GUF1: variants seen among roughly 807,000 people sequenced by gnomAD.
GUF1 encodes the protein GTP binding elongation factor GUF1, also known as translation factor GUF1, mitochondrial.
In GUF1, 78 loss-of-function variants were observed where a neutral mutation model predicts 82.4. The ratio of observed to expected loss-of-function variants is 0.95; its 90% CI spans 0.79 to 1.14. The LOEUF is 1.14. Ranked by LOEUF, GUF1 falls within the 50% of genes most tolerant of loss-of-function variation. The pLI is 0.00. For missense variants in GUF1, 814 were observed against 798.2 expected, an observed-to-expected ratio of 1.02 and a Z score of -0.24; for synonymous variants, 279 against 282.3, an observed-to-expected ratio of 0.99 and a Z score of 0.12.
In GUF1 at chr4:44,694,498, T is replaced by C; in HGVS notation, c.1700T>C (p.Val567Ala). 1 of 1,579,174 alleles carries C rather than the reference T, an allele frequency of 6.3e-7. No homozygotes were observed. Among genetic ancestry groups the C allele is most frequent in the Non-Finnish European group, 8.7e-7 (1 of 1,149,322 alleles). The stretch of plus-strand genomic sequence containing the variant: ...AATGGAAATACTGTAGAGGAGCTAG[T>C]AACTGTTGTACACAAGTAAGTTCAA... ...LLNGNTVEEL[V>A]TVVHKDKAHS... The change falls in exon 14 of 17, where the codon GTA becomes GCA. Residue 567 changes from valine to alanine, a missense_variant. Coordinates refer to ENST00000281543, the MANE Select transcript of GUF1 (RefSeq NM_021927.3).
chr4:44,695,590 A>T, intron 14 of GUF1, 25 bp from the exon 15 acceptor site: 1 of 1,591,810 alleles, frequency 6.3e-7, no homozygotes, highest in Non-Finnish European at 8.6e-7. Context: ...TAGGATATAT[A>T]AACAGTTGTA....
chr4:44,698,463 G>T, intron 16 of GUF1, 81 bp from the exon 17 acceptor site: 1 of 1,083,894 alleles, frequency 9.2e-7, no homozygotes, highest in Non-Finnish European at 1.3e-6. Context: ...GGTTGTTAAG[G>T]TTGTACTGAT....
chr4:44,694,619 AAT>A, intron 14 of GUF1, 106 bp downstream of exon 14: 1 of 677,338 alleles, frequency 1.5e-6, no homozygotes, highest in Non-Finnish European at 2.5e-6. Context: ...AGGTAATTAA[AAT>A]AGAGTTCACC....
chr4:44,681,475 A>G (rs1343540919), intron 4 of GUF1, among the ~76,000 whole-genome samples: 1 of 152,062 alleles, frequency 6.6e-6, no homozygotes, highest in Non-Finnish European at 1.5e-5. Flanking sequence ...AATGCATCTT[A>G]CCAAAAAAAC....
intron 5 of GUF1, 152 bp from the exon 6 acceptor site, chr4:44,683,083 A>T (rs1480797735): frequency 2.0e-6 from 1 of 500,960 alleles, no homozygotes; most frequent in Non-Finnish European, 3.5e-6. Flanking sequence ...TTATACTGCT[A>T]ATATATAGAT....
At chr4:44,681,043 TAAA>T (rs1560340192) in intron 3 of GUF1, 77 bp from the exon 4 acceptor site, 2 of 1,283,462 alleles carry the variant, frequency 1.6e-6, no homozygotes, top group African/African-American at 2.9e-5. Context: ...TTTTATCAAG[TAAA>T]GTCAATAAAT....
intron 13 of GUF1, chr4:44,694,190 C>A: frequency 2.2e-6 from 1 of 451,240 alleles, no homozygotes; most frequent in Non-Finnish European, 3.9e-6. Flanking sequence ...TTCCTTTCCC[C>A]TATAAACATA....
chr4:44,697,616 T>C (rs1715918247), intron 16 of GUF1, among the ~76,000 whole-genome samples, 172 bp downstream of exon 16: 1 of 152,274 alleles, frequency 6.6e-6, no homozygotes, highest in South Asian at 2.1e-4. Flanking sequence ...ATTTTGCCCA[T>C]ATCTTTTAAG....
In GUF1 at chr4:44,699,983, C is replaced by G. The variant is rs1327592719; in HGVS notation, c.*1302C>G. ...AATGGCTGTATTTCTCCAGAGCTCT[C>G]AGCTCCCATGTTTATTCAGCCAACG... is the stretch of plus-strand genomic sequence containing the variant. On this transcript the variant is annotated 3_prime_UTR_variant, in exon 17 of 17. Coordinates refer to ENST00000281543, the MANE Select transcript of GUF1 (RefSeq NM_021927.3). 1 of 152,208 alleles carries G rather than the reference C, an allele frequency of 6.6e-6. No homozygotes were observed. The highest frequency in any genetic ancestry group is 2.4e-5 in the African/African-American group (1 of 41,472). 9.4% of individuals were successfully genotyped at this position (152,208 alleles called of 1,614,324 possible).
intron 13 of GUF1, 177 bp from the exon 14 acceptor site, chr4:44,694,235 A>T (rs1715630379): frequency 1.8e-6 from 1 of 544,500 alleles, no homozygotes; most frequent in Non-Finnish European, 3.3e-6. Flanking sequence ...TAATAAACAT[A>T]AAAAGATAAC....
intron 15 of GUF1, among the ~76,000 whole-genome samples, chr4:44,696,214 CTAGAT>C (rs1243092915): frequency 3.3e-5 from 5 of 152,106 alleles, no homozygotes; most frequent in African/African-American, 1.2e-4. Context: ...GATTTGCATT[CTAGAT>C]TAGGGACCTC....
At position 44,678,485 on chromosome 4, in the gene GUF1, C is replaced by T. The variant is rs536906954; in HGVS notation, c.-138C>T. 7.3e-6 allele frequency: 5 copies of T among 685,976 alleles called. No homozygotes were observed. The East Asian group carries it at 1.0e-4, about 14-fold the overall frequency. 42.5% of individuals were successfully genotyped at this position (685,976 alleles called of 1,614,324 possible). On this transcript the variant is annotated 5_prime_UTR_variant, in exon 1 of 17. Transcript: ENST00000281543. ...GATCTGGTACTTGGGCAGAGCTCCC[C>T]GGGGTTCATTGTCTTCGCTTCACAG...
intron 11 of GUF1, among the ~76,000 whole-genome samples, chr4:44,690,300 G>A (rs1234895990): frequency 6.6e-6 from 1 of 151,776 alleles, no homozygotes; most frequent in Non-Finnish European, 1.5e-5. Context: ...GATGAAAAAT[G>A]TAATTTTGGT....
intron 9 of GUF1, 70 bp from the exon 10 acceptor site, chr4:44,689,216 A>C: frequency 7.5e-7 from 1 of 1,331,840 alleles, no homozygotes; most frequent in South Asian, 2.3e-5. Flanking sequence ...ACTTGGCAGC[A>C]CTACACATGT....
rs890708573 is a variant in GUF1 at position 44,678,495 on chromosome 4, T to C, written c.-128T>C. 1.3e-6 allele frequency: 1 copy of C among 755,310 alleles called. No individual in the cohort carries two copies. Among genetic ancestry groups the C allele is most frequent in the South Asian group, 3.6e-5 (1 of 28,036 alleles). 46.8% of individuals were successfully genotyped at this position (755,310 alleles called of 1,614,324 possible). ...TTGGGCAGAGCTCCCCGGGGTTCAT[T>C]GTCTTCGCTTCACAGGATCTGTTTG... On this transcript the variant is annotated 5_prime_UTR_variant, in exon 1 of 17. Coordinates refer to ENST00000281543, the MANE Select transcript of GUF1 (RefSeq NM_021927.3).
chr4:44,693,169 C>A (rs966320823), intron 13 of GUF1, among the ~76,000 whole-genome samples: 1 of 151,914 alleles, frequency 6.6e-6, no homozygotes, highest in Non-Finnish European at 1.5e-5. Flanking sequence ...TTATTTCATA[C>A]CAGGAGGCAA....
Position 44,686,683 on chromosome 4 carries a change from T to C in GUF1, c.908T>C (p.Leu303Ser). ...KTYEVNEVGV[L>S]NPNEQPTHKL... Reference sequence around the variant, plus strand: ...TACGAAGTTAATGAAGTAGGAGTCTTGAATCCTAATGAGCAGCCAACTCAT... The same window carrying C: ...TACGAAGTTAATGAAGTAGGAGTCTCGAATCCTAATGAGCAGCCAACTCAT... The change falls in exon 8 of 17, where the codon TTG becomes TCG. Residue 303 changes from leucine to serine, a missense_variant. Transcript: ENST00000281543. The C allele has an allele frequency of 6.2e-7, 1 of 1,609,316 alleles. No homozygotes were observed. Among genetic ancestry groups the C allele is most frequent in the Admixed American group, 1.7e-5 (1 of 59,922 alleles).
At chr4:44,687,681 A>G (rs1445968815) in intron 8 of GUF1, among the ~76,000 whole-genome samples, 1 of 151,946 alleles carries the variant, frequency 6.6e-6, no homozygotes, top group Non-Finnish European at 1.5e-5. Context: ...AGACATCACA[A>G]GTGTACTTAT....
chr4:44,691,660 T>G lies in GUF1; in HGVS notation c.1480-6T>G, dbSNP rs542005458. 1 of 1,584,210 alleles carries G rather than the reference T, an allele frequency of 6.3e-7. No individual in the cohort carries two copies. The highest frequency in any genetic ancestry group is 1.8e-4 in the Middle Eastern group (1 of 5,692). On this transcript the variant is annotated splice_polypyrimidine_tract_variant and splice_region_variant and intron_variant, in intron 12 of 16. Coordinates refer to ENST00000281543, the MANE Select transcript of GUF1 (RefSeq NM_021927.3). ...ATTAAACCCATTTTCTTCCTTCCCT[T>G]TTTAGGCTCGAAGAGCAGTTCAGAA...
Sources: allele counts gnomAD v4.1 joint callset (sites outside exome capture counted in the v4.1 genomes callset), GRCh38; gene constraint gnomAD v4.1.1; transcripts MANE v1.5; gene names NCBI Gene and HGNC (gene_info 2026-07-23, HGNC 2026-07-21).